The following IAH1 variants were observed in gnomAD, a reference collection of about 807,000 sequenced individuals.
IAH1 encodes isoamyl acetate-hydrolyzing esterase 1 homolog.
IAH1 carries 24 observed loss-of-function variants against 26.7 expected under a neutral mutation model. The ratio of observed to expected loss-of-function variants is 0.90; its 90% confidence interval spans 0.65 to 1.26. IAH1 has a LOEUF of 1.26. Ranked by LOEUF, IAH1 falls within the 50% of genes most tolerant of loss-of-function variation. The probability of loss-of-function intolerance (pLI) is 0.00; values close to 1 mark genes in which losing one functional copy is unlikely to be tolerated. For missense variants in IAH1, 300 were observed against 299.9 expected, an observed-to-expected ratio of 1.00 and a Z score of 0.00; for synonymous variants, 140 against 118.5, an observed-to-expected ratio of 1.18 and a Z score of -1.18.
chr2:9,509,743 A>C, the IAH1 span, among the ~76,000 whole-genome samples: 1 of 152,030 alleles, frequency 6.6e-6, no homozygotes, highest in Admixed American at 6.6e-5. Context: ...AATTTTTCCT[A>C]GAGCTCAAAT....
chr2:9,491,244 G>A, downstream of IAH1: 2 of 1,155,062 alleles, frequency 1.7e-6, no homozygotes. Context: ...ACTAACTGAA[G>A]AACTTAGAAC....
At chr2:9,490,411 C>CT, downstream of IAH1, 1 of 1,614,058 alleles carries the variant, frequency 6.2e-7, no homozygotes, top group Non-Finnish European at 8.5e-7. Context: ...CTGCTGGCGC[C>CT]GAAGGGATCA....
At chr2:9,507,227 T>G in the IAH1 span, among the ~76,000 whole-genome samples, 1 of 152,168 alleles carries the variant, frequency 6.6e-6, no homozygotes, top group Non-Finnish European at 1.5e-5. Context: ...CAGCAGCTCA[T>G]GCCTGTAATC....
intron 5 of IAH1, among the ~76,000 whole-genome samples, chr2:9,487,825 TGTGTGTGTGCGCGC>T (rs746220180): frequency 0.091 from 9,595 of 105,714 alleles, 396 homozygotes; most frequent in Non-Finnish European, 0.13. Context: ...TGTGTGTGTG[TGTGTGTGTGCGCGC>T]GCGCGCGCGC....
chr2:9,497,903 T>G (rs189995328), downstream of IAH1, among the ~76,000 whole-genome samples: 20 of 152,320 alleles, frequency 1.3e-4, no homozygotes, highest in African/African-American at 4.8e-4. Flanking sequence ...ATATTTAATG[T>G]TATTTTCTGT....
At chr2:9,511,419 C>T in the IAH1 span, among the ~76,000 whole-genome samples, 1 of 151,908 alleles carries the variant, frequency 6.6e-6, no homozygotes, top group Admixed American at 6.6e-5. Context: ...CATTGCACTC[C>T]AGCCTAGGCA....
the IAH1 span, chr2:9,505,368 T>G: frequency 1.9e-6 from 3 of 1,613,544 alleles, no homozygotes; most frequent in Non-Finnish European, 2.5e-6. Context: ...GAAAACATCT[T>G]GAGAGAAAAA....
the IAH1 span, chr2:9,505,386 AAGG>A: frequency 6.3e-7 from 1 of 1,589,550 alleles, no homozygotes; most frequent in African/African-American, 1.3e-5. Context: ...AAAAGGCAAT[AAGG>A]ACCCAAAATA....
downstream of IAH1, chr2:9,490,978 C>G: frequency 1.2e-6 from 1 of 841,668 alleles, no homozygotes; most frequent in South Asian, 1.7e-5. Flanking sequence ...AACCTAGACC[C>G]TTCCTGCTGC....
chr2:9,488,948 C>T lies in IAH1; in HGVS notation c.*619C>T, dbSNP rs564883483. The T allele has an allele frequency of 3.3e-5, 5 of 152,296 alleles. No individual in the cohort carries two copies. In the South Asian group the frequency reaches 1.0e-3, roughly 32 times the overall value. 9.4% of individuals were successfully genotyped at this position (152,296 alleles called of 1,614,324 possible). ...AATGGCAATTTATAGAAATCAGAAT[C>T]CAGGCTAATGATTTTTATCCTTCAC... On this transcript the variant is annotated 3_prime_UTR_variant, in exon 6 of 6. Coordinates refer to ENST00000497473, the MANE Select transcript of IAH1 (RefSeq NM_001039613.3).
chr2:9,479,467 A>G (rs4255935), intron 3 of IAH1, among the ~76,000 whole-genome samples: 63,957 of 152,038 alleles, frequency 0.42, 14,534 homozygotes, highest in Middle Eastern at 0.62. Flanking sequence ...TCCAATAGAA[A>G]ATGTAGGCAA....
intron 5 of IAH1, among the ~76,000 whole-genome samples, 196 bp from the exon 6 acceptor site, chr2:9,487,951 C>T (rs892928398): frequency 1.3e-5 from 2 of 152,044 alleles, no homozygotes; most frequent in African/African-American, 2.4e-5. Context: ...CTCCCATCTT[C>T]GCCTCCCAAG....
the IAH1 span, chr2:9,509,953 A>AT: frequency 4.5e-5 from 73 of 1,612,486 alleles, no homozygotes; most frequent in Non-Finnish European, 5.0e-5. Flanking sequence ...TCCAAACCAC[A>AT]TAAAAAATTC....
At chr2:9,490,587 C>T, downstream of IAH1, 3 of 1,439,148 alleles carry the variant, frequency 2.1e-6, no homozygotes, top group East Asian at 2.5e-5. Flanking sequence ...CAGCTCCACC[C>T]TTACCCATCA....
At chr2:9,482,524 C>CTTAT (rs1661245974) in intron 4 of IAH1, among the ~76,000 whole-genome samples, 1 of 152,180 alleles carries the variant, frequency 6.6e-6, no homozygotes, top group Non-Finnish European at 1.5e-5. Flanking sequence ...TCATGGAAGG[C>CTTAT]TGTTATTGTC....
chr2:9,486,918 ATGGCTG>A (rs1317862621), intron 5 of IAH1: 1 of 152,078 alleles, frequency 6.6e-6, no homozygotes, highest in Non-Finnish European at 1.5e-5. Context: ...CAAGAAAGAA[ATGGCTG>A]TATGGGTAAA....
intron 2 of IAH1, 42 bp downstream of exon 2, chr2:9,476,081 A>G: frequency 6.5e-7 from 1 of 1,529,276 alleles, no homozygotes; most frequent in East Asian, 2.3e-5. Context: ...TGGATGGAAA[A>G]TGTCTTAGGG....
chr2:9,476,183 A>G, intron 2 of IAH1, 144 bp downstream of exon 2: 2 of 673,608 alleles, frequency 3.0e-6, no homozygotes. Flanking sequence ...AGGAGAAGGA[A>G]CAGAAAACAT....
At chr2:9,510,271 C>T in the IAH1 span, 1 of 969,338 alleles carries the variant, frequency 1.0e-6, no homozygotes, top group Non-Finnish European at 1.5e-6. Flanking sequence ...ATAATACCAG[C>T]ACTTTAGGAG....
Sources: allele counts gnomAD v4.1 joint callset (sites outside exome capture counted in the v4.1 genomes callset), GRCh38; gene constraint gnomAD v4.1.1; transcripts MANE v1.5; gene names NCBI Gene and HGNC (gene_info 2026-07-23, HGNC 2026-07-21).